STON2: variants seen among roughly 807,000 people sequenced by gnomAD.
The protein encoded by STON2 is stonin 2.
Under a neutral mutation model 65.7 loss-of-function variants are expected in STON2, and 29 were observed. The observed-to-expected ratio is 0.44, with a 90% CI of 0.33 to 0.60. The LOEUF (loss-of-function observed/expected upper bound fraction) is 0.60, where lower values mean the gene tolerates loss of function less well. Among genes scored for constraint, STON2 ranks in the 20% least tolerant of loss-of-function variants. STON2 has a pLI of 0.03. For missense variants in STON2, 1,054 were observed against 1,118.1 expected, an observed-to-expected ratio of 0.94 and a Z score of 0.82; for synonymous variants, 404 against 414.2, an observed-to-expected ratio of 0.98 and a Z score of 0.30.
chr14:81,345,031 A>G (rs1897758886), intron 4 of STON2, among the ~76,000 whole-genome samples: 1 of 152,180 alleles, frequency 6.6e-6, no homozygotes, highest in Admixed American at 6.5e-5. Flanking sequence ...CCTCCTTATT[A>G]CATCTGTGGG....
rs572820921 is a variant in STON2 at position 81,264,304 on chromosome 14, A to C, written c.*4110T>G. The stretch of plus-strand genomic sequence containing the variant: ...GCAGGAGTAAAAGGAAAGCAAAATT[A>C]TTTAAGTCCTTCAGGAAATAAAAGC... On this transcript the variant is annotated 3_prime_UTR_variant, in exon 8 of 8. Coordinates refer to ENST00000614646, the MANE Select transcript of STON2 (RefSeq NM_001394390.1). 1.0e-5 allele frequency: 10 copies of C among 985,472 alleles called. No homozygotes were observed. In the East Asian group the frequency reaches 1.1e-3, roughly 112 times the overall value. The allele number at this position is 985,472 out of a possible 1,614,324, so 61.0% of individuals were successfully genotyped here. A position where few individuals can be genotyped will look rare whatever the true frequency, so the allele number is the denominator to read the frequency against.
intron 3 of STON2, among the ~76,000 whole-genome samples, chr14:81,386,306 A>G (rs566930021): frequency 2.7e-4 from 41 of 152,342 alleles, no homozygotes; most frequent in Non-Finnish European, 4.4e-4. Context: ...ATATTCACCA[A>G]AAGGGTTGGG....
intron 4 of STON2, among the ~76,000 whole-genome samples, chr14:81,331,672 G>A (rs930151110): frequency 1.3e-5 from 2 of 152,228 alleles, no homozygotes; most frequent in Non-Finnish European, 2.9e-5. Flanking sequence ...CATGGATAGA[G>A]GGAGAGGAAA....
intron 4 of STON2, among the ~76,000 whole-genome samples, chr14:81,367,844 G>A (rs115974125): frequency 0.018 from 2,747 of 151,568 alleles, 98 homozygotes; most frequent in African/African-American, 0.064. Flanking sequence ...GACTGCGTCC[G>A]TCAAAGCAGA....
At chr14:81,411,813 A>G (rs2139861721) in intron 2 of STON2, among the ~76,000 whole-genome samples, 1 of 152,366 alleles carries the variant, frequency 6.6e-6, no homozygotes, top group Admixed American at 6.5e-5. Context: ...AAAAGGAAGT[A>G]TGAAACAAGT....
In STON2 at chr14:81,277,273, C is replaced by G; in HGVS notation, c.2209G>C (p.Val737Leu). The change falls in exon 6 of 8, where the codon GTG (valine) becomes CTG (leucine). Residue 737 changes from valine (V) to leucine (L), a missense_variant. Transcript: ENST00000614646. ...CRFELMRFRTVFAEKTLPFTL... is the reference protein window; with the variant it reads ...CRFELMRFRTLFAEKTLPFTL... The stretch of plus-strand genomic sequence containing the variant: ...AAAGGCAAGGTCTTCTCAGCAAACA[C>G]TGTCCTGAACCGCATTAGCTCAAAC... The G allele has an allele frequency of 6.2e-7, 1 of 1,614,220 alleles. No individual in the cohort carries two copies. The highest frequency in any genetic ancestry group is 2.2e-5 in the East Asian group (1 of 44,888).
At chr14:81,337,352 C>T (rs1897411507) in intron 4 of STON2, among the ~76,000 whole-genome samples, 1 of 152,168 alleles carries the variant, frequency 6.6e-6, no homozygotes, top group Admixed American at 6.5e-5. Context: ...TATTGAGCAT[C>T]TACTATGTGC....
At chr14:81,344,924 T>A (rs570699489) in intron 4 of STON2, among the ~76,000 whole-genome samples, 26 of 152,328 alleles carry the variant, frequency 1.7e-4, no homozygotes, top group African/African-American at 6.3e-4. Flanking sequence ...ATGAGAGCAG[T>A]GGGATAAACT....
At chr14:81,285,797 TC>T (rs1566889530) in intron 5 of STON2, among the ~76,000 whole-genome samples, 2 of 152,036 alleles carry the variant, frequency 1.3e-5, no homozygotes, top group East Asian at 3.9e-4. Context: ...ACCCCAAACT[TC>T]CATGTCATGT....
chr14:81,408,599 A>T (rs2139849865), intron 2 of STON2, among the ~76,000 whole-genome samples: 1 of 152,392 alleles, frequency 6.6e-6, no homozygotes, highest in African/African-American at 2.4e-5. Context: ...ATACACATTT[A>T]TGTACATGCA....
At chr14:81,406,698 T>A (rs1900881577) in intron 2 of STON2, among the ~76,000 whole-genome samples, 1 of 152,220 alleles carries the variant, frequency 6.6e-6, no homozygotes, top group Non-Finnish European at 1.5e-5. Flanking sequence ...CTTTCCACTG[T>A]GGCTGGGCTG....
At chr14:81,276,440 G>C (rs1038985431) in intron 6 of STON2, among the ~76,000 whole-genome samples, 2 of 152,188 alleles carry the variant, frequency 1.3e-5, no homozygotes, top group African/African-American at 4.8e-5. Flanking sequence ...ACCCTGCACA[G>C]GGTAGCTGGA....
chr14:81,368,315 T>A (rs1330541697), intron 4 of STON2, among the ~76,000 whole-genome samples: 6 of 152,204 alleles, frequency 3.9e-5, no homozygotes, highest in Non-Finnish European at 8.8e-5. Context: ...ATGGGGAGAA[T>A]GACACCTGCC....
intron 6 of STON2, among the ~76,000 whole-genome samples, chr14:81,272,539 C>G (rs1297615002): frequency 6.6e-6 from 1 of 152,196 alleles, no homozygotes; most frequent in Non-Finnish European, 1.5e-5. Flanking sequence ...TACACACCCG[C>G]TCTCCAAGGA....
In STON2 at chr14:81,413,727, T is replaced by C. The variant is rs538715110; in HGVS notation, c.-199+13375A>G. 2.8e-3 allele frequency among the ~76,000 whole-genome samples: 389 copies of C among 138,108 alleles called. 90 individuals are homozygous for C. Among genetic ancestry groups the C allele is most frequent in the African/African-American group, 0.011 (365 of 33,256 alleles). 90.6% of individuals were successfully genotyped at this position (138,108 alleles called of 152,430 possible). On this transcript the variant is annotated intron_variant, in intron 2 of 8. Coordinates refer to the STON2 transcript ENST00000553821. ...AGGAGAACTGCTTGAACCCGGGAGG[T>C]GGAGGTTGCAGTGGGCAGAGATCAC...
At chr14:81,410,994 G>A (rs1467439126) in intron 2 of STON2, among the ~76,000 whole-genome samples, 1 of 152,140 alleles carries the variant, frequency 6.6e-6, no homozygotes, top group Non-Finnish European at 1.5e-5. Flanking sequence ...CATACTACAT[G>A]GGTATTCTCT....
chr14:81,295,064 C>G (rs1329598564), intron 5 of STON2, among the ~76,000 whole-genome samples: 1 of 152,172 alleles, frequency 6.6e-6, no homozygotes, highest in African/African-American at 2.4e-5. Flanking sequence ...GTGGCTCATG[C>G]CTGTAATCCC....
chr14:81,297,102 G>A (rs1475233523), intron 5 of STON2, among the ~76,000 whole-genome samples: 1 of 152,142 alleles, frequency 6.6e-6, no homozygotes, highest in African/African-American at 2.4e-5. Flanking sequence ...GTTGACTTCA[G>A]GTTTCAAGGC....
At chr14:81,416,110 A>C (rs1013752256) in intron 2 of STON2, among the ~76,000 whole-genome samples, 4 of 152,182 alleles carry the variant, frequency 2.6e-5, no homozygotes, top group Non-Finnish European at 5.9e-5. Flanking sequence ...TGTTAACTCT[A>C]GCCATGGAAC....
Sources: gnomAD v4.1 joint callset for allele counts (sites outside exome capture counted in the v4.1 genomes callset) on GRCh38, gnomAD v4.1.1 for gene constraint, MANE v1.5 for transcripts, NCBI Gene and HGNC (gene_info 2026-07-23, HGNC 2026-07-21) for gene names.